Variants in PLEC observed in about 807,000 individuals in gnomAD.
The protein encoded by PLEC is plectin.
A neutral mutation model predicts 392.8 loss-of-function variants in PLEC; 216 were observed. The observed-to-expected ratio is 0.55, with a 90% CI of 0.49 to 0.62. PLEC has a LOEUF of 0.62. PLEC is among the 20% of genes least tolerant of loss of function. PLEC has a pLI of 0.00. For synonymous variants in PLEC, 3,621 were observed against 2,980.6 expected (o/e 1.21, Z -7.00); for missense variants, 6,863 against 6,563.4 (o/e 1.05, Z -1.58).
Position 143,921,595 on chromosome 8 carries a change from A to T in PLEC, c.8226T>A (p.Pro2742=). 6.2e-7 allele frequency: 1 copy of T among 1,612,382 alleles called. No individual in the cohort carries two copies. Among genetic ancestry groups the T allele is most frequent in the Non-Finnish European group, 8.5e-7 (1 of 1,179,578 alleles). ...TGACGGTCAGCCGCCGGTTCCGCAC[A>T]GGGTCCAGCAGGAAGCCTGAGGCCG... ...AQAASGFLLD[P]VRNRRLTVNE... Residue 2742 remains proline (P), a synonymous_variant, in exon 32 of 32, where the codon CCT becomes CCA. Coordinates refer to ENST00000345136, the MANE Select transcript of PLEC (RefSeq NM_201384.3).
intron 1 of PLEC, among the ~76,000 whole-genome samples, chr8:143,971,854 C>T (rs1447435456): frequency 6.6e-6 from 1 of 152,140 alleles, no homozygotes; most frequent in Admixed American, 6.5e-5. Context: ...GCCAAGACTG[C>T]GAGTGTGCCC....
Position 143,922,323 on chromosome 8 carries a change from C to T in PLEC, c.7498G>A (p.Asp2500Asn), listed in dbSNP as rs1586859439. The T allele has an allele frequency of 1.2e-6, 2 of 1,607,344 alleles. 1 individual carries two copies. Among genetic ancestry groups the T allele is most frequent in the East Asian group, 4.5e-5 (2 of 44,876 alleles). ...ALQQSFLSEK[D>N]SLLQRERFIE... Reference sequence around the variant, plus strand: ...AAGCGCTCCCGCTGTAGCAGGCTGTCCTTTTCAGAGAGGAAGCTTTGCTGC... The same window carrying T: ...AAGCGCTCCCGCTGTAGCAGGCTGTTCTTTTCAGAGAGGAAGCTTTGCTGC... Residue 2500 changes from aspartate to asparagine, a missense_variant, in exon 32 of 32, where the codon GAC becomes AAC. By Grantham distance (23) the Asp-to-Asn change is conservative (BLOSUM62 1). Transcript: ENST00000345136.
At chr8:143,970,636 A>G (rs1316945296) in intron 1 of PLEC, among the ~76,000 whole-genome samples, 1 of 152,158 alleles carries the variant, frequency 6.6e-6, no homozygotes, top group African/African-American at 2.4e-5. Flanking sequence ...TGTCAATTCC[A>G]GGATATTTTC....
chr8:143,965,040 C>G (rs1554741846), intron 1 of PLEC, among the ~76,000 whole-genome samples: 1 of 142,502 alleles, frequency 7.0e-6, no homozygotes, highest in East Asian at 2.4e-4. Context: ...TGGCCTTCCC[C>G]ACCCTCACCG....
chr8:143,919,961 A>G lies in PLEC; in HGVS notation c.9860T>C (p.Ile3287Thr). The change falls in exon 32 of 32, where the codon ATT (isoleucine) becomes ACT (threonine). Residue 3287 changes from isoleucine to threonine, a missense_variant. Ile to Thr is a moderately conservative substitution (Grantham distance 89). Transcript: ENST00000345136. ...CACCTCCTCCACGATGGTAATGAGAATCTTGATGACCTTCTCCACGGTGAC... is the reference window on the plus strand; with the variant it reads ...CACCTCCTCCACGATGGTAATGAGAGTCTTGATGACCTTCTCCACGGTGAC... ...GKVTVEKVIK[I>T]LITIVEEVET... 2 of 1,613,386 alleles carry G rather than the reference A, an allele frequency of 1.2e-6. No individual in the cohort carries two copies. The highest frequency in any genetic ancestry group is 1.7e-6 in the Non-Finnish European group (2 of 1,180,022).
Position 143,934,262 on chromosome 8 carries a change from C to A in PLEC, c.1169+56G>T, listed in dbSNP as rs1475779312. On this transcript the variant is annotated intron_variant, in intron 11 of 31. Coordinates refer to ENST00000345136, the MANE Select transcript of PLEC (RefSeq NM_201384.3). ...GCGGGGCGGGGAGGGGGGTTTCCTT[C>A]CCAGGCAGTGACACACCCTCGGGTG... The A allele has an allele frequency of 2.5e-5, 40 of 1,608,162 alleles. No individual in the cohort carries two copies. Among genetic ancestry groups the A allele is most frequent in the Admixed American group, 2.0e-4 (12 of 59,990 alleles).
upstream of PLEC, chr8:143,943,710 T>C: frequency 2.1e-6 from 3 of 1,430,310 alleles, no homozygotes; most frequent in South Asian, 3.6e-5. Flanking sequence ...GCGCAGGGAA[T>C]GAAGGGGCGG....
At chr8:143,933,704 C>T (rs957960368) in intron 12 of PLEC, among the ~76,000 whole-genome samples, 15 of 152,228 alleles carry the variant, frequency 9.9e-5, no homozygotes, top group African/African-American at 3.6e-4. Context: ...CTCCCCCAAC[C>T]CCTCCCCTAA....
chr8:143,928,649 T>A (rs1554709769), intron 25 of PLEC, among the ~76,000 whole-genome samples: 3 of 128,034 alleles, frequency 2.3e-5, no homozygotes, highest in Non-Finnish European at 3.0e-5. Flanking sequence ...CTGTGCTGGT[T>A]CTGTGAGGAG....
At chr8:143,972,622 C>T (rs1342605325) in intron 1 of PLEC, among the ~76,000 whole-genome samples, 1 of 152,210 alleles carries the variant, frequency 6.6e-6, no homozygotes, top group Non-Finnish European at 1.5e-5. Context: ...CCGCGACCCT[C>T]CCCAGCAGCT....
rs1825381521 is a variant in PLEC, at chr8:143,926,889, A to C, written c.3946-7T>G. 1 of 1,611,902 alleles carries C rather than the reference A, an allele frequency of 6.2e-7. No individual in the cohort carries two copies. The highest frequency in any genetic ancestry group is 8.5e-7 in the Non-Finnish European group (1 of 1,178,420). ...GCGTACGCAGGTCCACGTACTGTGG[A>C]GTAGAGCCAGGGTTAGCCCTGCGAG... On this transcript the variant is annotated splice_region_variant and splice_polypyrimidine_tract_variant and intron_variant, in intron 29 of 31. Coordinates refer to ENST00000345136, the MANE Select transcript of PLEC (RefSeq NM_201384.3).
rs1470335141 is a variant in PLEC at position 143,937,154 on chromosome 8, G to A, written c.342+11C>T. The A allele has an allele frequency of 1.9e-6, 3 of 1,611,772 alleles. No homozygotes were observed. The highest frequency in any genetic ancestry group is 3.3e-5 in the Admixed American group (2 of 59,996). On this transcript the variant is annotated intron_variant, in intron 4 of 31. Coordinates refer to ENST00000345136, the MANE Select transcript of PLEC (RefSeq NM_201384.3). ...TCTGGGTGGGGCCCAGGGCCTGCCGGGCAGCCTTACCTGGCGGTGCCGGAG... is the reference window on the plus strand; with the variant it reads ...TCTGGGTGGGGCCCAGGGCCTGCCGAGCAGCCTTACCTGGCGGTGCCGGAG...
At chr8:143,971,888 G>A (rs1415602175) in intron 1 of PLEC, among the ~76,000 whole-genome samples, 1 of 152,172 alleles carries the variant, frequency 6.6e-6, no homozygotes, top group Non-Finnish European at 1.5e-5. Flanking sequence ...GCCTCCAGAG[G>A]AGCTGCGCTT....
intron 1 of PLEC, among the ~76,000 whole-genome samples, chr8:143,961,439 T>TGGTCTCGTACTCCTGACCTC (rs1420957339): frequency 2.0e-5 from 3 of 152,204 alleles, no homozygotes; most frequent in African/African-American, 7.2e-5. Flanking sequence ...TTGGTTAGGC[T>TGGTCTCGTACTCCTGACCTC]GGTCTCGTAC....
At position 143,935,029 on chromosome 8, in the gene PLEC, C is replaced by G. The variant is rs782272825; in HGVS notation, c.807G>C (p.Gln269His). The G allele has an allele frequency of 1.8e-5, 29 of 1,612,630 alleles. No individual in the cohort carries two copies. Among genetic ancestry groups the G allele is most frequent in the Admixed American group, 3.3e-5 (2 of 60,010 alleles). The change falls in exon 8 of 32, where the codon CAG (glutamine) becomes CAC (histidine). Residue 269 changes from glutamine to histidine, a missense_variant. Transcript: ENST00000345136. ...CACTCACGTTGGCCCTCACCCCATC[C>G]TGCACGTCCGGCACGCGGGGCATGG... ...YDAMPRVPDV[Q>H]DGVRANELQL...
At chr8:143,973,919 G>A (rs1490057215), upstream of PLEC, among the ~76,000 whole-genome samples, 1 of 152,134 alleles carries the variant, frequency 6.6e-6, no homozygotes, top group Non-Finnish European at 1.5e-5. The surrounding 1 kb of genome is among the most constrained non-coding windows in gnomAD (Gnocchi z 5.6). Context: ...GACTGAGTCG[G>A]TATAAAGAAC....
In PLEC at chr8:143,919,188, C is replaced by T. The variant is rs1554677379; in HGVS notation, c.10633G>A (p.Gly3545Arg). ...TCCACCACCTCAGCCTTCTCCGCCC[C>T]TTTCAGTGGCAGAAGGCGCAAGCCC... ...ETGLRLLPLK[G>R]AEKAEVVETT... The change falls in exon 32 of 32, where the codon GGG becomes AGG. Residue 3545 changes from glycine (G) to arginine (R), a missense_variant. Coordinates refer to ENST00000345136, the MANE Select transcript of PLEC (RefSeq NM_201384.3). 4 of 1,613,764 alleles carry T rather than the reference C, an allele frequency of 2.5e-6. No individual in the cohort carries two copies. The African/African-American group carries it at 4.0e-5, about 16-fold the overall frequency.
Position 143,924,367 on chromosome 8 carries a change from G to C in PLEC, c.5562C>G (p.Ile1854Met). ...TCTCCGCCTCCTTCTCCTTGAGCGC[G>C]ATCTCCGCCTCCGTCTTGAGCCGCG... ...EATRLKTEAE[I>M]ALKEKEAENE... The change falls in exon 31 of 32, where the codon ATC (isoleucine) becomes ATG (methionine). Residue 1854 changes from isoleucine to methionine, a missense_variant. Coordinates refer to ENST00000345136, the MANE Select transcript of PLEC (RefSeq NM_201384.3). 1 of 1,596,810 alleles carries C rather than the reference G, an allele frequency of 6.3e-7. No homozygotes were observed. Among genetic ancestry groups the C allele is most frequent in the African/African-American group, 1.3e-5 (1 of 74,908 alleles).
rs782554812 is a variant in PLEC at position 143,918,377 on chromosome 8, C to G, written c.11444G>C (p.Gly3815Ala). ...AGCCACCTCCAGGGGAAGGTGGAAGCCCAGGCGGGGGTCCACGATGCCGCC... is the reference window on the plus strand; with the variant it reads ...AGCCACCTCCAGGGGAAGGTGGAAGGCCAGGCGGGGGTCCACGATGCCGCC... ...ATGGIVDPRLGFHLPLEVAYQ... is the reference protein window; with the variant it reads ...ATGGIVDPRLAFHLPLEVAYQ... The change falls in exon 32 of 32, where the codon GGC becomes GCC. Residue 3815 changes from glycine (G) to alanine (A), a missense_variant. Gly to Ala is a moderately conservative substitution (Grantham distance 60). Coordinates refer to ENST00000345136, the MANE Select transcript of PLEC (RefSeq NM_201384.3). The G allele has an allele frequency of 6.4e-7, 1 of 1,567,882 alleles. No individual in the cohort carries two copies. The highest frequency in any genetic ancestry group is 2.3e-5 in the East Asian group (1 of 43,168).
Sources: gnomAD v4.1 joint callset for allele counts (sites outside exome capture counted in the v4.1 genomes callset) on GRCh38, gnomAD v4.1.1 for gene constraint, Gnocchi (gnomAD v3.1) non-coding constraint, MANE v1.5 for transcripts, NCBI Gene and HGNC (gene_info 2026-07-23, HGNC 2026-07-21) for gene names.